The following XDH variants were observed in gnomAD, a reference collection of about 807,000 sequenced individuals.
XDH encodes the protein xanthine dehydrogenase, also known as xanthine dehydrogenase/oxidase.
XDH carries 138 observed loss-of-function variants against 156.1 expected under a neutral mutation model. That is an observed-to-expected ratio of 0.88 (90% CI 0.77 to 1.02). The LOEUF is 1.02. XDH is among the 50% of genes least tolerant of loss of function. The pLI is 0.00. For synonymous variants in XDH, 669 were observed against 625.7 expected (o/e 1.07, Z -1.03); for missense variants, 1,849 against 1,684.9 (o/e 1.10, Z -1.71).
chr2:31,368,664 G>C lies in XDH; in HGVS notation c.1981-4C>G. ...TGATATGCCCAACACAAGTAACCTA[G>C]TAGCAGAGACAGACTGTTAAAGAAC... On this transcript the variant is annotated splice_polypyrimidine_tract_variant and splice_region_variant and intron_variant, in intron 18 of 35. Coordinates refer to ENST00000379416, the MANE Select transcript of XDH (RefSeq NM_000379.4). The C allele has an allele frequency of 6.2e-7, 1 of 1,614,178 alleles. No homozygotes were observed. Among genetic ancestry groups the C allele is most frequent in the Non-Finnish European group, 8.5e-7 (1 of 1,180,030 alleles).
chr2:31,370,580 A>T, intron 17 of XDH, 102 bp from the exon 18 acceptor site: 1 of 1,469,872 alleles, frequency 6.8e-7, no homozygotes, highest in East Asian at 2.4e-5. Context: ...GCTTGGCTCC[A>T]TCCTAATTCC....
In XDH at chr2:31,388,274, C is replaced by A; in HGVS notation, c.517G>T (p.Asp173Tyr). Residue 173 changes from aspartate (D) to tyrosine (Y), a missense_variant, in exon 7 of 36, where the codon GAT becomes TAT. Coordinates refer to ENST00000379416, the MANE Select transcript of XDH (RefSeq NM_000379.4). ...FARDGGCCGGDGNNPNCCMNQ... is the reference protein window; with the variant it reads ...FARDGGCCGGYGNNPNCCMNQ... ...ATGCAGCAATTTGGATTATTCCCATCTCCTCCACAGCATCCACCATCCTAG... is the reference window on the plus strand; with the variant it reads ...ATGCAGCAATTTGGATTATTCCCATATCCTCCACAGCATCCACCATCCTAG... The A allele has an allele frequency of 6.2e-7, 1 of 1,614,202 alleles. No individual in the cohort carries two copies. The highest frequency in any genetic ancestry group is 1.6e-4 in the Middle Eastern group (1 of 6,062).
intron 6 of XDH, among the ~76,000 whole-genome samples, chr2:31,392,411 T>C (rs1339809815): frequency 2.0e-5 from 3 of 151,452 alleles, no homozygotes; most frequent in Non-Finnish European, 2.9e-5. Flanking sequence ...TTGTATTTTA[T>C]TTTTATTATT....
chr2:31,357,132 T>C (rs894354642), intron 24 of XDH, among the ~76,000 whole-genome samples: 1 of 151,998 alleles, frequency 6.6e-6, no homozygotes, highest in South Asian at 2.1e-4. Context: ...ATTGAATACA[T>C]TAAAAAAGAG....
At chr2:31,357,393 T>C (rs1685653400) in intron 24 of XDH, among the ~76,000 whole-genome samples, 1 of 152,068 alleles carries the variant, frequency 6.6e-6, no homozygotes, top group South Asian at 2.1e-4. Flanking sequence ...AAATCAGGAT[T>C]GAAACACGGG....
At position 31,349,736 on chromosome 2, in the gene XDH, T is replaced by C. The variant is rs763287715; in HGVS notation, c.2919A>G (p.Leu973=). Residue 973 remains leucine, a synonymous_variant, in exon 26 of 36, where the codon CTA becomes CTG. Transcript: ENST00000379416. ...FTLPRCWEEC[L]ASSQYHARKS... Reference sequence around the variant, plus strand: ...TCCGAGCATGATACTGAGAGCTTGCTAGGCATTCTTCCCAGCATCTGGGCA... The same window carrying C: ...TCCGAGCATGATACTGAGAGCTTGCCAGGCATTCTTCCCAGCATCTGGGCA... The C allele has an allele frequency of 8.7e-6, 14 of 1,614,102 alleles. No homozygotes were observed. In the Admixed American group the frequency reaches 2.3e-4, roughly 27 times the overall value.
intron 5 of XDH, 40 bp from the exon 6 acceptor site, chr2:31,397,769 C>A (rs1269872062): frequency 6.2e-7 from 1 of 1,611,948 alleles, no homozygotes; most frequent in Non-Finnish European, 8.5e-7. Context: ...AGTGCAGGGC[C>A]CTGGGATGGG....
chr2:31,339,639 G>A lies in XDH; in HGVS notation c.3624C>T (p.Thr1208=), dbSNP rs745485326. 3.7e-6 allele frequency: 6 copies of A among 1,614,040 alleles called. No individual in the cohort carries two copies. The East Asian group carries it at 1.1e-4, about 30-fold the overall frequency. Residue 1208 remains threonine (T), a synonymous_variant, in exon 34 of 36, where the codon ACC becomes ACT. Transcript: ENST00000379416. ...GAFVQGLGLF[T]LEELHYSPEG... ...CGGGGGAATAGTGTAGCTCCTCTAG[G>A]GTGAAGAGGCCAAGGCCCTGGACAA...
Position 31,375,289 on chromosome 2 carries a change from C to A in XDH, c.1602+91G>T. On this transcript the variant is annotated intron_variant, in intron 15 of 35. Coordinates refer to ENST00000379416, the MANE Select transcript of XDH (RefSeq NM_000379.4). Reference sequence around the variant, plus strand: ...CCCTGCTATTCTGCCCTCAGATGTCCAGAGGAGAGGAGCAAATTTACTACC... The same window carrying A: ...CCCTGCTATTCTGCCCTCAGATGTCAAGAGGAGAGGAGCAAATTTACTACC... 1.9e-6 allele frequency: 3 copies of A among 1,541,122 alleles called. No homozygotes were observed. In the South Asian group the frequency reaches 3.4e-5, roughly 17 times the overall value.
At chr2:31,352,790 A>C (rs994895706) in intron 24 of XDH, among the ~76,000 whole-genome samples, 1 of 152,156 alleles carries the variant, frequency 6.6e-6, no homozygotes, top group African/African-American at 2.4e-5. Context: ...TGAAGTGTGA[A>C]GTTTCCTAAC....
intron 30 of XDH, among the ~76,000 whole-genome samples, chr2:31,346,458 A>T (rs1685295797): frequency 6.6e-6 from 1 of 152,110 alleles, no homozygotes; most frequent in South Asian, 2.1e-4. Context: ...AGACAATCCG[A>T]TGAGGCATGT....
chr2:31,392,517 T>G (rs1333313751), intron 6 of XDH, among the ~76,000 whole-genome samples: 1 of 152,114 alleles, frequency 6.6e-6, no homozygotes, highest in Non-Finnish European at 1.5e-5. Flanking sequence ...CTCCACTTCC[T>G]GGGTTCAAGT....
rs751855428 is a variant in XDH, at chr2:31,368,679, T to G, written c.1981-19A>C. 3 of 1,614,090 alleles carry G rather than the reference T, an allele frequency of 1.9e-6. No individual in the cohort carries two copies. The highest frequency in any genetic ancestry group is 2.2e-5 in the South Asian group (2 of 91,086). ...AAGTAACCTAGTAGCAGAGACAGAC[T>G]GTTAAAGAACGCAACCAGGCTCATG... On this transcript the variant is annotated intron_variant, in intron 18 of 35. Transcript: ENST00000379416.
At position 31,346,829 on chromosome 2, in the gene XDH, G is replaced by A. The variant is rs1471849823; in HGVS notation, c.3291C>T (p.Thr1097=). The A allele has an allele frequency of 6.2e-7, 1 of 1,613,982 alleles. No individual in the cohort carries two copies. Among genetic ancestry groups the A allele is most frequent in the South Asian group, 1.1e-5 (1 of 91,072 alleles). ...NGQAVYAACQ[T]ILKRLEPYKK... is the part of the protein sequence containing the mutation. Reference sequence around the variant, plus strand: ...TGTAGGGTTCCAGCCTTTTCAAGATGGTCTGACAAGCCGCCTAAAGTAAAC... The same window carrying A: ...TGTAGGGTTCCAGCCTTTTCAAGATAGTCTGACAAGCCGCCTAAAGTAAAC... Residue 1097 remains threonine (T), a synonymous_variant, in exon 30 of 36, where the codon ACC becomes ACT. Coordinates refer to ENST00000379416, the MANE Select transcript of XDH (RefSeq NM_000379.4).
At position 31,349,831 on chromosome 2, in the gene XDH, C is replaced by T. The variant is rs1436179651; in HGVS notation, c.2824G>A (p.Val942Met). 1 of 1,613,998 alleles carries T rather than the reference C, an allele frequency of 6.2e-7. No individual in the cohort carries two copies. Reference protein sequence around the residue: ...AVTCGMPAEEVRRKNLYKEGD... With the variant: ...AVTCGMPAEEMRRKNLYKEGD... ...TCTTTGTACAGGTTTTTTCTCCGCA[C>T]CTTCCCAAGGAGAGAGACACAGAGG... is the stretch of plus-strand genomic sequence containing the variant. The change falls in exon 26 of 36, where the codon GTG (valine) becomes ATG (methionine). Residue 942 changes from valine to methionine, a missense_variant and splice_region_variant. Physicochemically the swap from Val to Met is conservative, Grantham distance 21. Coordinates refer to ENST00000379416, the MANE Select transcript of XDH (RefSeq NM_000379.4).
At chr2:31,384,117 C>CGTGTGTGTG (rs1179847294) in intron 9 of XDH, 4 of 171,440 alleles carry the variant, frequency 2.3e-5, no homozygotes, top group African/African-American at 8.9e-5. Flanking sequence ...TGAATTCACT[C>CGTGTGTGTG]TAGTGTGTGT....
intron 24 of XDH, among the ~76,000 whole-genome samples, chr2:31,355,853 C>T (rs974848318): frequency 1.3e-5 from 2 of 152,032 alleles, no homozygotes; most frequent in African/African-American, 4.8e-5. Flanking sequence ...AAACATGACC[C>T]AATTACATAC....
chr2:31,406,284 G>A (rs1456804496), intron 1 of XDH, among the ~76,000 whole-genome samples: 1 of 152,038 alleles, frequency 6.6e-6, no homozygotes, highest in Non-Finnish European at 1.5e-5. Flanking sequence ...TGCTCTTACT[G>A]GCCATGTGAT....
At chr2:31,395,538 A>G (rs1171729268) in intron 6 of XDH, among the ~76,000 whole-genome samples, 1 of 152,220 alleles carries the variant, frequency 6.6e-6, no homozygotes, top group Non-Finnish European at 1.5e-5. Context: ...TTTTTCTCCA[A>G]CATTTACTGT....
Sources: gnomAD v4.1 joint callset for allele counts (sites outside exome capture counted in the v4.1 genomes callset) on GRCh38, gnomAD v4.1.1 for gene constraint, MANE v1.5 for transcripts, NCBI Gene and HGNC (gene_info 2026-07-23, HGNC 2026-07-21) for gene names.